GAN: variants seen among roughly 807,000 people sequenced by gnomAD.
GAN encodes gigaxonin.
A neutral mutation model predicts 71.3 loss-of-function variants in GAN; 48 were observed. That is an observed-to-expected ratio of 0.67 (90% confidence interval 0.53 to 0.86). The LOEUF is 0.86. GAN is among the 40% of genes least tolerant of loss of function. The pLI, the probability that GAN is intolerant of heterozygous loss-of-function variation, is 0.00. For synonymous variants in GAN, 386 were observed against 276.8 expected (o/e 1.39, Z -3.92); for missense variants, 928 against 770.1 (o/e 1.21, Z -2.43).
chr16:81,376,628 A>G, intron 9 of GAN, among the ~76,000 whole-genome samples: 1 of 148,166 alleles, frequency 6.7e-6, no homozygotes, highest in East Asian at 2.3e-4. Context: ...GTATATATAC[A>G]TACATATATG....
chr16:81,355,152 C>A (rs1194304822), intron 3 of GAN, among the ~76,000 whole-genome samples: 1 of 152,054 alleles, frequency 6.6e-6, no homozygotes, highest in Non-Finnish European at 1.5e-5. Flanking sequence ...GGGGGTGGCA[C>A]GTGGATCGAT....
At chr16:81,376,465 ATG>A (rs56782049) in intron 9 of GAN, among the ~76,000 whole-genome samples, 22,450 of 126,958 alleles carry the variant, frequency 0.18, 1,971 homozygotes, top group Middle Eastern at 0.29. Flanking sequence ...ATACATACAT[ATG>A]TGTGTGTGTG....
chr16:81,337,218 C>G lies in GAN; in HGVS notation c.168-14365C>G, dbSNP rs553432561. On this transcript the variant is annotated intron_variant, in intron 1 of 10. Transcript: ENST00000648994. ...TAAGCAGGTAAATGAAGAGGCTACACAGGCCCCTCTTCAAATATCTCAGGG... is the reference window on the plus strand; with the variant it reads ...TAAGCAGGTAAATGAAGAGGCTACAGAGGCCCCTCTTCAAATATCTCAGGG... Among the ~76,000 whole-genome samples, 89 of 152,306 alleles carry G rather than the reference C, an allele frequency of 5.8e-4. 1 individual carries two copies. The highest frequency in any genetic ancestry group is 2.0e-3 in the African/African-American group (83 of 41,574).
In GAN at chr16:81,362,611, GGTAAAACACTA is replaced by G; in HGVS notation, c.1086+3_1086+13del. ...GGACAGCATTGCCACCTATGAACGA[GGTAAAACACTA>G]GTTGGTTGGTTTGTTTGATGTGTTT... is the stretch of plus-strand genomic sequence containing the variant. On this transcript the variant is annotated splice_donor_variant and splice_donor_5th_base_variant and intron_variant, in intron 6 of 10. Coordinates refer to ENST00000648994, the MANE Select transcript of GAN (RefSeq NM_022041.4). LOFTEE classifies it high-confidence loss of function. 7.1e-7 allele frequency: 1 copy of G among 1,402,468 alleles called. No individual in the cohort carries two copies. Among genetic ancestry groups the G allele is most frequent in the Non-Finnish European group, 1.0e-6 (1 of 986,422 alleles). The allele number at this position is 1,402,468 out of a possible 1,614,324, so 86.9% of individuals were successfully genotyped here. A position where few individuals can be genotyped will look rare whatever the true frequency, so the allele number is the denominator to read the frequency against.
At chr16:81,352,434 G>GT (rs1411705663) in intron 2 of GAN, among the ~76,000 whole-genome samples, 1 of 152,142 alleles carries the variant, frequency 6.6e-6, no homozygotes, top group Non-Finnish European at 1.5e-5. Flanking sequence ...ATCAGGGCTA[G>GT]TTTTTTGTTT....
chr16:81,356,313 G>GT (rs201744706), intron 3 of GAN, among the ~76,000 whole-genome samples: 74 of 151,462 alleles, frequency 4.9e-4, no homozygotes, highest in African/African-American at 1.4e-3. Flanking sequence ...TAGTACTCAG[G>GT]TTTTTTTTTA....
At chr16:81,366,474 G>A (rs570955812) in intron 9 of GAN, among the ~76,000 whole-genome samples, 4 of 152,238 alleles carry the variant, frequency 2.6e-5, no homozygotes, top group East Asian at 1.9e-4. Flanking sequence ...AAATCCTAAG[G>A]GGAAATTGCT....
intron 9 of GAN, among the ~76,000 whole-genome samples, chr16:81,369,300 C>T (rs1910960462): frequency 6.6e-6 from 1 of 152,132 alleles, no homozygotes; most frequent in Non-Finnish European, 1.5e-5. Flanking sequence ...TGCTTCCCTA[C>T]CAAAATAGAA....
intron 5 of GAN, among the ~76,000 whole-genome samples, chr16:81,359,386 C>T (rs7199797): frequency 0.42 from 61,864 of 148,698 alleles, 13,492 homozygotes; most frequent in Middle Eastern, 0.53. Flanking sequence ...GAGGTCCTTC[C>T]GTTTGTCCAG....
At position 81,377,563 on chromosome 16, in the gene GAN, A is replaced by C. The variant is rs1904286043; in HGVS notation, c.1761A>C (p.Gln587His). The change falls in exon 11 of 11, where the codon CAA (glutamine) becomes CAC (histidine). Residue 587 changes from glutamine to histidine, a missense_variant. Physicochemically the swap from Gln to His is conservative, Grantham distance 24. Coordinates refer to ENST00000648994, the MANE Select transcript of GAN (RefSeq NM_022041.4). ...AGCTTTTCCGCCTGCAGCTTCAGCA[A>C]GGCTTATTCCGTATTCGTGTTCATT... ...NCKLFRLQLQ[Q>H]GLFRIRVHSP 4 of 1,614,228 alleles carry C rather than the reference A, an allele frequency of 2.5e-6. No individual in the cohort carries two copies. Among genetic ancestry groups the C allele is most frequent in the Non-Finnish European group, 3.4e-6 (4 of 1,180,030 alleles).
intron 1 of GAN, among the ~76,000 whole-genome samples, chr16:81,316,342 C>G (rs1909039484): frequency 1.3e-5 from 1 of 76,354 alleles, no homozygotes; most frequent in African/African-American, 5.1e-5. Context: ...AGCAAAACCA[C>G]CACGCACGCT....
At chr16:81,374,091 A>G (rs1904275034) in intron 9 of GAN, among the ~76,000 whole-genome samples, 1 of 152,084 alleles carries the variant, frequency 6.6e-6, no homozygotes, top group African/African-American at 2.4e-5. Context: ...CTTGAAGGTT[A>G]TTGGTTCGTT....
At chr16:81,339,451 C>T (rs2150676886) in intron 1 of GAN, among the ~76,000 whole-genome samples, 2 of 152,198 alleles carry the variant, frequency 1.3e-5, no homozygotes, top group East Asian at 1.9e-4. Flanking sequence ...ATTTAAAGAC[C>T]ACTGTCAGCT....
At position 81,331,988 on chromosome 16, in the gene GAN, C is replaced by A. The variant is rs182221817; in HGVS notation, c.167+16708C>A. Among the ~76,000 whole-genome samples, 438 of 151,770 alleles carry A rather than the reference C, an allele frequency of 2.9e-3. 2 individuals are homozygous for A. Among genetic ancestry groups the A allele is most frequent in the African/African-American group, 0.01 (423 of 41,388 alleles). ...GACCAGCCTGACCAATATGGAGAAA[C>A]CTGTCTCTACTAAAAATACAAAATT... is the stretch of plus-strand genomic sequence containing the variant. On this transcript the variant is annotated intron_variant, in intron 1 of 10. Coordinates refer to ENST00000648994, the MANE Select transcript of GAN (RefSeq NM_022041.4).
At chr16:81,327,166 A>G (rs80031740) in intron 1 of GAN, among the ~76,000 whole-genome samples, 3,200 of 152,350 alleles carry the variant, frequency 0.021, 58 homozygotes, top group East Asian at 0.082. Context: ...ATTCAGAAAG[A>G]GTAGCTCTGA....
At position 81,388,251 on chromosome 16, in the gene GAN, A is replaced by G. The variant is rs1470622372; in HGVS notation, c.*10655A>G. 2.6e-5 allele frequency: 4 copies of G among 152,282 alleles called. No individual in the cohort carries two copies. Among genetic ancestry groups the G allele is most frequent in the Non-Finnish European group, 5.9e-5 (4 of 68,134 alleles). 9.4% of individuals were successfully genotyped at this position (152,282 alleles called of 1,614,324 possible). On this transcript the variant is annotated 3_prime_UTR_variant, in exon 11 of 11. Transcript: ENST00000648994. ...TTACTGCTTGAATTATGTATCCAAAATAAAAAGGAAAAGAAAGGTGCAGTT... is the reference window on the plus strand; with the variant it reads ...TTACTGCTTGAATTATGTATCCAAAGTAAAAAGGAAAAGAAAGGTGCAGTT...
intron 1 of GAN, among the ~76,000 whole-genome samples, chr16:81,319,398 C>A (rs1157129958): frequency 6.6e-6 from 1 of 151,818 alleles, no homozygotes; most frequent in Non-Finnish European, 1.5e-5. Context: ...GAGGCTCTTC[C>A]GATTCTGGCA....
At chr16:81,323,555 G>A (rs117962753) in intron 1 of GAN, among the ~76,000 whole-genome samples, 2,380 of 152,272 alleles carry the variant, frequency 0.016, 39 homozygotes, top group Non-Finnish European at 0.019. Context: ...TCAAGAATTA[G>A]CATTGTCTAA....
At chr16:81,370,789 C>T (rs1315428989) in intron 9 of GAN, among the ~76,000 whole-genome samples, 1 of 152,256 alleles carries the variant, frequency 6.6e-6, no homozygotes, top group Non-Finnish European at 1.5e-5. Flanking sequence ...CTAGTATTTT[C>T]TGTTTCATTG....
Sources: allele counts gnomAD v4.1 joint callset (sites outside exome capture counted in the v4.1 genomes callset), GRCh38; gene constraint gnomAD v4.1.1; transcripts MANE v1.5; gene names NCBI Gene and HGNC (gene_info 2026-07-23, HGNC 2026-07-21).